SORT1: variants seen among roughly 807,000 people sequenced by gnomAD.
SORT1 encodes the protein sortilin 1, also known as sortilin.
SORT1 carries 39 observed loss-of-function variants against 101.7 expected under a neutral mutation model. The ratio of observed to expected loss-of-function variants is 0.38; its 90% CI spans 0.30 to 0.50. The LOEUF (loss-of-function observed/expected upper bound fraction) is 0.50, where lower values mean the gene tolerates loss of function less well. Ranked by LOEUF, SORT1 falls within the 20% of genes least tolerant of loss-of-function variation. The pLI is 0.90. For synonymous variants in SORT1, 396 were observed against 393.7 expected (o/e 1.01, Z -0.07); for missense variants, 878 against 1,040.4 (o/e 0.84, Z 2.15).
At chr1:109,320,106 T>C (rs1263366839) in intron 15 of SORT1, among the ~76,000 whole-genome samples, 1 of 152,106 alleles carries the variant, frequency 6.6e-6, no homozygotes, top group Non-Finnish European at 1.5e-5. Context: ...CCCATAAATG[T>C]AGTCTTTTGC....
chr1:109,390,798 T>TGTGCGC (rs749556914), intron 1 of SORT1, among the ~76,000 whole-genome samples: 21 of 144,862 alleles, frequency 1.4e-4, no homozygotes, highest in South Asian at 2.2e-4. Flanking sequence ...TGTGTGTGTG[T>TGTGCGC]GCGCGCGCGC....
chr1:109,362,802 A>T (rs1289390460), intron 3 of SORT1, among the ~76,000 whole-genome samples: 2 of 142,678 alleles, frequency 1.4e-5, no homozygotes, highest in Non-Finnish European at 3.1e-5. Context: ...CTTTTTCTTT[A>T]AAAAAAAAAA....
intron 1 of SORT1, among the ~76,000 whole-genome samples, chr1:109,380,129 C>A (rs948534317): frequency 2.6e-5 from 4 of 151,640 alleles, no homozygotes; most frequent in African/African-American, 9.7e-5. Context: ...AGAAAACAAA[C>A]AAAAAAACAA....
intron 1 of SORT1, among the ~76,000 whole-genome samples, chr1:109,374,596 AAAAG>A (rs1375867754): frequency 7.2e-5 from 11 of 152,090 alleles, no homozygotes; most frequent in Admixed American, 3.9e-4. Flanking sequence ...CTCAAAAAAA[AAAAG>A]AAAGAAAGAA....
chr1:109,314,769 ACTTGGAATT>A lies in SORT1; in HGVS notation c.2251_2259del (p.Asn751_Lys753del). 6.2e-7 allele frequency: 1 copy of A among 1,601,956 alleles called. No homozygotes were observed. The highest frequency in any genetic ancestry group is 8.6e-7 in the Non-Finnish European group (1 of 1,169,080). The stretch of plus-strand genomic sequence containing the variant: ...GCCAGGATAATTGGAACAGAATTTG[ACTTGGAATT>A]CTTGAGAAATTAAAACACAAACACA... On this transcript the variant is annotated inframe_deletion and splice_region_variant, in exon 18 of 20. Transcript: ENST00000256637.
chr1:109,375,434 G>T (rs372664052), intron 1 of SORT1, among the ~76,000 whole-genome samples: 20 of 150,946 alleles, frequency 1.3e-4, no homozygotes, highest in Non-Finnish European at 2.5e-4. Flanking sequence ...TACCAGCTAC[G>T]CGGGAGGCTG....
rs902105991 is a variant in SORT1, at chr1:109,313,014, A to C, written c.*1029T>G. On this transcript the variant is annotated 3_prime_UTR_variant, in exon 20 of 20. Transcript: ENST00000256637. ...TAGTCCTGGTTCCATGTACAACAGC[A>C]ACCTAAGAAGCAGCAGATAGGCAGC... is the stretch of plus-strand genomic sequence containing the variant. The C allele has an allele frequency of 9.9e-5, 15 of 152,196 alleles. No individual in the cohort carries two copies. Among genetic ancestry groups the C allele is most frequent in the African/African-American group, 3.6e-4 (15 of 41,448 alleles). 9.4% of individuals were successfully genotyped at this position (152,196 alleles called of 1,614,324 possible). A position where few individuals can be genotyped will look rare whatever the true frequency, so the allele number is the denominator to read the frequency against.
rs1658777720 is a variant in SORT1 at position 109,312,397 on chromosome 1, TAA to T, written c.*1644_*1645del. The T allele has an allele frequency of 6.6e-6, 1 of 152,476 alleles. No individual in the cohort carries two copies. 9.4% of individuals were successfully genotyped at this position (152,476 alleles called of 1,614,324 possible). Reference sequence around the variant, plus strand: ...CATTCTACTGCAGTTTTAACATCTCTAAAAGTCTCCATCCACTCTCTCCCCCA... The same window carrying T: ...CATTCTACTGCAGTTTTAACATCTCTAAGTCTCCATCCACTCTCTCCCCCA... On this transcript the variant is annotated 3_prime_UTR_variant, in exon 20 of 20. Transcript: ENST00000256637.
chr1:109,367,480 A>G lies in SORT1; in HGVS notation c.368T>C (p.Val123Ala). The G allele has an allele frequency of 6.3e-7, 1 of 1,587,032 alleles. No homozygotes were observed. The highest frequency in any genetic ancestry group is 8.6e-7 in the Non-Finnish European group (1 of 1,156,188). Residue 123 changes from valine (V) to alanine (A), a missense_variant and splice_region_variant, in exon 3 of 20, where the codon GTC (valine) becomes GCC (alanine). Physicochemically the swap from Val to Ala is moderately conservative, Grantham distance 64 (BLOSUM62 0). Transcript: ENST00000256637. ...ATGGAAGGTAGTCAAGACTAGAATGACCTGGAGAGAGAAAAAAGCATTCCG... is the reference window on the plus strand; with the variant it reads ...ATGGAAGGTAGTCAAGACTAGAATGGCCTGGAGAGAGAAAAAAGCATTCCG... Reference protein sequence around the residue: ...SLSWVGDSTGVILVLTTFHVP... With the variant: ...SLSWVGDSTGAILVLTTFHVP...
intron 17 of SORT1, among the ~76,000 whole-genome samples, chr1:109,315,799 C>T (rs1157591578): frequency 6.7e-6 from 1 of 149,274 alleles, no homozygotes; most frequent in Non-Finnish European, 1.5e-5. Flanking sequence ...ACTCTGTCAC[C>T]CAGGCTGGAG....
chr1:109,375,785 T>A (rs1488200189), intron 1 of SORT1, among the ~76,000 whole-genome samples: 2 of 152,026 alleles, frequency 1.3e-5, no homozygotes, highest in Non-Finnish European at 2.9e-5. Flanking sequence ...CTTCCTACAA[T>A]GCAAGCCAGA....
chr1:109,389,204 T>A (rs1039804459), intron 1 of SORT1, among the ~76,000 whole-genome samples: 10 of 152,226 alleles, frequency 6.6e-5, no homozygotes, highest in Non-Finnish European at 1.2e-4. Context: ...CAAATCATAC[T>A]CATACGGTAC....
At chr1:109,380,813 CAAAAAAAAAAAAA>C (rs60568166) in intron 1 of SORT1, among the ~76,000 whole-genome samples, 2 of 49,218 alleles carry the variant, frequency 4.1e-5, no homozygotes, top group East Asian at 1.2e-3. Flanking sequence ...CCTGTCGCCA[CAAAAAAAAAAAAA>C]AAAAAAAAAA....
chr1:109,336,077 T>G (rs1330298112), intron 11 of SORT1, among the ~76,000 whole-genome samples, 163 bp downstream of exon 11: 1 of 152,220 alleles, frequency 6.6e-6, no homozygotes, highest in Non-Finnish European at 1.5e-5. Flanking sequence ...CCTCAGTTCT[T>G]ACTTCCGAAA....
intron 13 of SORT1, among the ~76,000 whole-genome samples, chr1:109,326,558 TACAC>T (rs375131395): frequency 6.9e-6 from 1 of 145,016 alleles, no homozygotes; most frequent in Non-Finnish European, 1.5e-5. Flanking sequence ...CACATATATA[TACAC>T]ACACACACAT....
Position 109,336,344 on chromosome 1 carries a change from T to C in SORT1, c.1267A>G (p.Asn423Asp). The change falls in exon 11 of 20, where the codon AAT (asparagine) becomes GAT (aspartate). Residue 423 changes from asparagine (N) to aspartate (D), a missense_variant and splice_region_variant. Coordinates refer to ENST00000256637, the MANE Select transcript of SORT1 (RefSeq NM_002959.7). ...AAAGTGATCATGGTCTGGATAGAAT[T>C]ATCTGAATGGGAAGAGAACAACATT... ...VYITSVLSED[N>D]SIQTMITFDQ... is the part of the protein sequence containing the mutation. The C allele has an allele frequency of 2.5e-6, 4 of 1,587,228 alleles. No individual in the cohort carries two copies. The highest frequency in any genetic ancestry group is 3.5e-6 in the Non-Finnish European group (4 of 1,155,412).
rs1298829506 is a variant in SORT1 at position 109,326,442 on chromosome 1, TATATATATATATATATATATATAC to T, written c.1643+526_1643+549del. The stretch of plus-strand genomic sequence containing the variant: ...TAGACAGAAAGAATATATATATATA[TATATATATATATATATATATATAC>T]ATACACACACACACACACATATATA... On this transcript the variant is annotated intron_variant, in intron 13 of 19. Coordinates refer to ENST00000256637, the MANE Select transcript of SORT1 (RefSeq NM_002959.7). Among the ~76,000 whole-genome samples the T allele has an allele frequency of 1.1e-3, 26 of 23,404 alleles. 2 individuals carry two copies. The highest frequency in any genetic ancestry group is 0.021 in the Middle Eastern group (1 of 48). 15.4% of individuals were successfully genotyped at this position (23,404 alleles called of 152,430 possible).
intron 8 of SORT1, among the ~76,000 whole-genome samples, chr1:109,344,979 G>A (rs1450873715): frequency 8.5e-5 from 13 of 152,118 alleles, no homozygotes; most frequent in Admixed American, 7.9e-4. Flanking sequence ...TTACAAGTGT[G>A]AGCCACTACC....
intron 11 of SORT1, among the ~76,000 whole-genome samples, chr1:109,332,871 T>G (rs1346782497): frequency 2.0e-5 from 3 of 152,208 alleles, no homozygotes; most frequent in Admixed American, 6.5e-5. Context: ...AAAGACAGCC[T>G]CTTAAATAAA....
Sources: allele counts gnomAD v4.1 joint callset (sites outside exome capture counted in the v4.1 genomes callset), GRCh38; gene constraint gnomAD v4.1.1; transcripts MANE v1.5; gene names NCBI Gene and HGNC (gene_info 2026-07-23, HGNC 2026-07-21).